The following FER variants were observed in gnomAD, a reference collection of about 807,000 sequenced individuals.
FER encodes the protein FER tyrosine kinase.
FER carries 63 observed loss-of-function variants against 111.0 expected under a neutral mutation model. The observed-to-expected ratio is 0.57, with a 90% CI of 0.46 to 0.70. The LOEUF (loss-of-function observed/expected upper bound fraction) is 0.70, where lower values mean the gene tolerates loss of function less well. Ranked by LOEUF, FER falls within the 30% of genes least tolerant of loss-of-function variation. FER has a pLI of 0.00. For synonymous variants in FER, 327 were observed against 313.9 expected (o/e 1.04, Z -0.44); for missense variants, 914 against 954.0 (o/e 0.96, Z 0.55).
chr5:108,843,677 C>T (rs867321295), intron 5 of FER, among the ~76,000 whole-genome samples: 12 of 151,572 alleles, frequency 7.9e-5, no homozygotes, highest in South Asian at 4.2e-4. Context: ...TACAGGTGTG[C>T]GCCACCAAAC....
At chr5:109,114,521 T>C (rs1184915530) in intron 17 of FER, among the ~76,000 whole-genome samples, 1 of 152,074 alleles carries the variant, frequency 6.6e-6, no homozygotes, top group Non-Finnish European at 1.5e-5. Context: ...AAAAAAATGA[T>C]TGAACCCTTG....
At chr5:109,003,641 A>G (rs1312699188) in intron 13 of FER, among the ~76,000 whole-genome samples, 2 of 151,970 alleles carry the variant, frequency 1.3e-5, no homozygotes, top group Non-Finnish European at 2.9e-5. Flanking sequence ...AAAAATAAAA[A>G]TAAAAATATT....
At chr5:109,087,587 GT>G (rs1379688013) in intron 16 of FER, among the ~76,000 whole-genome samples, 1 of 149,522 alleles carries the variant, frequency 6.7e-6, no homozygotes, top group African/African-American at 2.5e-5. Context: ...GCTTGTGTGT[GT>G]TTTTTTAATC....
At chr5:108,910,829 T>G (rs1751448769) in intron 10 of FER, among the ~76,000 whole-genome samples, 1 of 152,130 alleles carries the variant, frequency 6.6e-6, no homozygotes, top group Non-Finnish European at 1.5e-5. Flanking sequence ...TTCATTATTT[T>G]TTATGGCTGC....
At chr5:109,079,156 T>C (rs895933017) in intron 16 of FER, among the ~76,000 whole-genome samples, 9 of 152,158 alleles carry the variant, frequency 5.9e-5, no homozygotes, top group African/African-American at 2.2e-4. Flanking sequence ...CAAACAGATA[T>C]TTACCAGACC....
intron 17 of FER, 65 bp from the exon 18 acceptor site, chr5:109,180,682 C>G: frequency 6.6e-7 from 1 of 1,512,398 alleles, no homozygotes; most frequent in South Asian, 1.3e-5. Flanking sequence ...GTGTGGAAAT[C>G]ATAAATGTGA....
chr5:109,161,116 A>G (rs757524006), intron 17 of FER, among the ~76,000 whole-genome samples: 1 of 152,198 alleles, frequency 6.6e-6, no homozygotes, highest in African/African-American at 2.4e-5. Flanking sequence ...GCTTAAAGTA[A>G]GATGCTGAAT....
chr5:109,006,334 C>T (rs72790522), intron 13 of FER, among the ~76,000 whole-genome samples: 25,009 of 152,070 alleles, frequency 0.16, 2,182 homozygotes, highest in Non-Finnish European at 0.19. Flanking sequence ...CGAGTCTTTC[C>T]TGTGCTGTTC....
intron 10 of FER, among the ~76,000 whole-genome samples, chr5:108,905,216 T>G (rs1042803263): frequency 1.3e-5 from 2 of 152,122 alleles, no homozygotes; most frequent in African/African-American, 2.4e-5. Flanking sequence ...ATGCTTAAAC[T>G]TTCAAAGTGT....
At chr5:108,870,588 A>G (rs932103419) in intron 6 of FER, among the ~76,000 whole-genome samples, 2 of 152,150 alleles carry the variant, frequency 1.3e-5, no homozygotes, top group Non-Finnish European at 2.9e-5. Flanking sequence ...AGTAATTGAG[A>G]GAATACTTCA....
chr5:108,934,493 T>G (rs1355344731), intron 10 of FER, among the ~76,000 whole-genome samples: 3 of 152,166 alleles, frequency 2.0e-5, no homozygotes, highest in African/African-American at 7.2e-5. Context: ...CATAAACGTA[T>G]ATTGACCAAC....
At chr5:109,030,452 AGTTACCTTGTTTAGGTTTAGCAG>A (rs770392769) in intron 13 of FER, among the ~76,000 whole-genome samples, 16 of 152,260 alleles carry the variant, frequency 1.1e-4, no homozygotes, top group Non-Finnish European at 8.8e-5. Flanking sequence ...TTTTGCAGGT[AGTTACCTTGTTTAGGTTTAGCAG>A]GTAGGGCCTG....
At chr5:109,079,411 G>A (rs1194908020) in intron 16 of FER, among the ~76,000 whole-genome samples, 2 of 152,048 alleles carry the variant, frequency 1.3e-5, no homozygotes, top group East Asian at 1.9e-4. Context: ...GTTTGACATC[G>A]GTAACTCCAG....
chr5:109,053,723 C>T (rs970085066), intron 16 of FER, among the ~76,000 whole-genome samples: 2 of 128,858 alleles, frequency 1.6e-5, no homozygotes, highest in African/African-American at 3.0e-5. Flanking sequence ...GACGGAATCT[C>T]GCTCTCGCCC....
chr5:109,097,223 C>T (rs1434100583), intron 16 of FER, among the ~76,000 whole-genome samples: 4 of 151,832 alleles, frequency 2.6e-5, no homozygotes, highest in African/African-American at 9.7e-5. Context: ...CATGTCTTTT[C>T]ACCAAGTCAT....
chr5:108,899,595 G>A (rs375554202), intron 10 of FER, among the ~76,000 whole-genome samples: 6 of 151,662 alleles, frequency 4.0e-5, no homozygotes, highest in African/African-American at 1.2e-4. Context: ...TCAGGAGATC[G>A]AGACCATCCT....
chr5:109,167,436 C>T (rs781230844), intron 17 of FER, among the ~76,000 whole-genome samples: 1 of 152,098 alleles, frequency 6.6e-6, no homozygotes, highest in African/African-American at 2.4e-5. Flanking sequence ...AGTAATGTTT[C>T]CTGATTCAGT....
intron 8 of FER, among the ~76,000 whole-genome samples, chr5:108,879,693 TAAAAAAA>T (rs59305064): frequency 1.7e-5 from 2 of 116,688 alleles, no homozygotes; most frequent in African/African-American, 7.7e-5. Flanking sequence ...TTTTTTAGAT[TAAAAAAA>T]AATATATATA....
At chr5:108,799,286 G>A (rs1756377026) in intron 3 of FER, among the ~76,000 whole-genome samples, 1 of 152,106 alleles carries the variant, frequency 6.6e-6, no homozygotes, top group African/African-American at 2.4e-5. Context: ...ATAGTTCTTG[G>A]ATTCTTGCTT....
Sources: gnomAD v4.1 joint callset for allele counts (sites outside exome capture counted in the v4.1 genomes callset) on GRCh38, gnomAD v4.1.1 for gene constraint, MANE v1.5 for transcripts, NCBI Gene and HGNC (gene_info 2026-07-23, HGNC 2026-07-21) for gene names.